HOPX: variants seen among roughly 807,000 people sequenced by gnomAD.
HOPX encodes the protein HOP homeobox.
HOPX carries 5 observed loss-of-function variants against 11.8 expected under a neutral mutation model. That is an observed-to-expected ratio of 0.43 (90% CI 0.22 to 0.89). The LOEUF is 0.89. Ranked by LOEUF, HOPX falls within the 40% of genes least tolerant of loss-of-function variation. The pLI, the probability that HOPX is intolerant of heterozygous loss-of-function variation, is 0.28. For missense variants in HOPX, 119 were observed against 120.0 expected (o/e 0.99, Z 0.04); for synonymous variants, 49 against 49.7 (o/e 0.99, Z 0.06).
intron 1 of HOPX, among the ~76,000 whole-genome samples, chr4:56,673,889 G>C (rs1718867468): frequency 6.6e-6 from 1 of 150,468 alleles, no homozygotes; most frequent in South Asian, 2.1e-4. Flanking sequence ...ATTTTTAGTA[G>C]AGACGGGGTT....
intron 3 of HOPX, 122 bp from the exon 4 acceptor site, chr4:56,648,919 T>C (rs1716901085): frequency 2.9e-6 from 2 of 696,192 alleles, no homozygotes; most frequent in East Asian, 5.4e-5. Flanking sequence ...AATGTTCCCA[T>C]AGGGATGGTT....
chr4:56,662,020 A>G (rs1379161120), intron 1 of HOPX, among the ~76,000 whole-genome samples: 2 of 152,222 alleles, frequency 1.3e-5, no homozygotes, highest in African/African-American at 4.8e-5. Flanking sequence ...GGTCCCTCCC[A>G]CAAAAGTAAA....
At chr4:56,650,843 T>C (rs1327129656) in intron 3 of HOPX, 1 of 1,514,932 alleles carries the variant, frequency 6.6e-7, no homozygotes, top group Non-Finnish European at 8.8e-7. Flanking sequence ...CATGTAACTT[T>C]GGCAGCTTCA....
At chr4:56,650,702 T>C (rs1290584682) in intron 3 of HOPX, 2 of 1,551,580 alleles carry the variant, frequency 1.3e-6, no homozygotes, top group African/African-American at 2.7e-5. Flanking sequence ...GGGGCGGCAG[T>C]AGAGAAAAGT....
intron 3 of HOPX, among the ~76,000 whole-genome samples, chr4:56,654,455 T>C (rs1400657044): frequency 1.3e-5 from 2 of 152,216 alleles, no homozygotes; most frequent in Non-Finnish European, 2.9e-5. Flanking sequence ...ACTCCTCTTT[T>C]CTAAGCATAG....
intron 1 of HOPX, among the ~76,000 whole-genome samples, chr4:56,661,280 A>C (rs1175947158): frequency 2.4e-4 from 37 of 152,238 alleles, no homozygotes; most frequent in Admixed American, 2.4e-3. Context: ...TTCTGCGTAT[A>C]GAGAAGTTCG....
At chr4:56,656,128 C>T (rs1317958504) in intron 2 of HOPX, 116 bp from the exon 3 acceptor site, 6 of 1,234,412 alleles carry the variant, frequency 4.9e-6, no homozygotes, top group African/African-American at 3.2e-5. Context: ...CCCCCTCCAG[C>T]GGTGCCACGG....
Position 56,649,053 on chromosome 4 carries a change from C to T in HOPX, c.199-256G>A, listed in dbSNP as rs941477232. On this transcript the variant is annotated intron_variant, in intron 3 of 3. Coordinates refer to ENST00000420433, the MANE Select transcript of HOPX (RefSeq NM_032495.6). Reference sequence around the variant, plus strand: ...TGTCATCCTCACATCTCAGCTTAAACAGGACCTTCTCAATGAAGCCTTCCC... The same window carrying T: ...TGTCATCCTCACATCTCAGCTTAAATAGGACCTTCTCAATGAAGCCTTCCC... The T allele has an allele frequency of 8.8e-6, 3 of 341,790 alleles. No individual in the cohort carries two copies. The Admixed American group carries it at 1.3e-4, about 15-fold the overall frequency. The allele number at this position is 341,790 out of a possible 1,614,324, so 21.2% of individuals were successfully genotyped here.
chr4:56,657,487 A>G (rs1326731287), intron 2 of HOPX, among the ~76,000 whole-genome samples: 2 of 152,154 alleles, frequency 1.3e-5, no homozygotes, highest in East Asian at 3.9e-4. Context: ...TACTTCCTAA[A>G]TAAGTGTCTT....
intron 3 of HOPX, among the ~76,000 whole-genome samples, chr4:56,651,905 T>C (rs1717230470): frequency 2.0e-5 from 3 of 151,528 alleles, no homozygotes; most frequent in Admixed American, 6.6e-5. Flanking sequence ...TGTGTGTGTG[T>C]GTGTGTGTGT....
intron 1 of HOPX, among the ~76,000 whole-genome samples, chr4:56,670,748 G>A (rs34374420): frequency 0.045 from 6,789 of 152,228 alleles, 245 homozygotes; most frequent in African/African-American, 0.1. Flanking sequence ...TGTAATCCCA[G>A]CACTTTGGGA....
At chr4:56,671,871 T>A (rs1310628222) in intron 1 of HOPX, among the ~76,000 whole-genome samples, 6 of 152,102 alleles carry the variant, frequency 3.9e-5, no homozygotes, top group Admixed American at 1.3e-4. Flanking sequence ...TTTGGACAAC[T>A]GTCTTAATTG....
chr4:56,662,235 T>G (rs1718175455), intron 1 of HOPX, among the ~76,000 whole-genome samples: 1 of 152,242 alleles, frequency 6.6e-6, no homozygotes, highest in Non-Finnish European at 1.5e-5. Flanking sequence ...AACAGCTAAG[T>G]GCCAGTTCAA....
intron 1 of HOPX, among the ~76,000 whole-genome samples, chr4:56,676,247 G>A (rs1026042087): frequency 3.3e-5 from 5 of 151,502 alleles, no homozygotes; most frequent in East Asian, 1.9e-4. Flanking sequence ...GCAGTGAGCC[G>A]AGATCATGAC....
Position 56,655,730 on chromosome 4 carries a change from GC to G in HOPX, c.198+126del, listed in dbSNP as rs1426970457. ...CAGGGTCTGGGCCCCTGGGATGCGG[GC>G]AGAAGCGATGGGAGATCATGGGGAG... On this transcript the variant is annotated intron_variant, in intron 3 of 3. Coordinates refer to ENST00000420433, the MANE Select transcript of HOPX (RefSeq NM_032495.6). The G allele has an allele frequency of 1.5e-5, 17 of 1,129,988 alleles. No homozygotes were observed. The African/African-American group carries it at 2.5e-4, about 17-fold the overall frequency. 70.0% of individuals were successfully genotyped at this position (1,129,988 alleles called of 1,614,324 possible).
chr4:56,655,321 G>C (rs1015737014), intron 3 of HOPX, among the ~76,000 whole-genome samples: 4 of 152,164 alleles, frequency 2.6e-5, no homozygotes, highest in African/African-American at 9.7e-5. Flanking sequence ...ATGCTTCACC[G>C]CTCCTGCCAT....
intron 3 of HOPX, among the ~76,000 whole-genome samples, chr4:56,653,394 T>C (rs1487855923): frequency 6.6e-6 from 1 of 152,036 alleles, no homozygotes; most frequent in Non-Finnish European, 1.5e-5. Flanking sequence ...TCTTTAAAAA[T>C]ATAAATGTTG....
chr4:56,666,382 CTGT>C (rs757699284), intron 1 of HOPX, among the ~76,000 whole-genome samples: 5 of 152,208 alleles, frequency 3.3e-5, no homozygotes, highest in Admixed American at 6.5e-5. Context: ...CATCCTGAAA[CTGT>C]TGTTGAAACA....
chr4:56,676,590 G>A (rs1274028936), intron 1 of HOPX: 2 of 151,086 alleles, frequency 1.3e-5, no homozygotes, highest in Admixed American at 1.3e-4. Context: ...AAAAGCACAG[G>A]AAAAAGCATT....
Sources: allele counts gnomAD v4.1 joint callset (sites outside exome capture counted in the v4.1 genomes callset), GRCh38; gene constraint gnomAD v4.1.1; transcripts MANE v1.5; gene names NCBI Gene and HGNC (gene_info 2026-07-23, HGNC 2026-07-21).